Variants in UACA observed in about 807,000 individuals in gnomAD.
UACA encodes the protein uveal autoantigen with coiled-coil domains and ankyrin repeats.
A neutral mutation model predicts 160.5 loss-of-function variants in UACA; 112 were observed. The ratio of observed to expected loss-of-function variants is 0.70; its 90% CI spans 0.60 to 0.82. UACA has a LOEUF of 0.82. UACA is among the 40% of genes least tolerant of loss of function. The pLI, the probability that UACA is intolerant of heterozygous loss-of-function variation, is 0.00. For missense variants in UACA, 1,574 were observed against 1,614.6 expected, an observed-to-expected ratio of 0.97 and a Z score of 0.43; for synonymous variants, 557 against 568.4, an observed-to-expected ratio of 0.98 and a Z score of 0.29.
At chr15:70,711,141 T>C (rs1033077217) in intron 1 of UACA, among the ~76,000 whole-genome samples, 2 of 151,958 alleles carry the variant, frequency 1.3e-5, no homozygotes, top group African/African-American at 4.9e-5. Flanking sequence ...AGGGATCAAA[T>C]ACATCTTTCT....
chr15:70,723,446 T>C (rs1899051992), intron 1 of UACA, among the ~76,000 whole-genome samples: 1 of 152,176 alleles, frequency 6.6e-6, no homozygotes, highest in African/African-American at 2.4e-5. Flanking sequence ...AGATCCTCCA[T>C]GGTCTCACCC....
chr15:70,673,448 C>A (rs569631401), intron 13 of UACA, among the ~76,000 whole-genome samples: 1 of 152,286 alleles, frequency 6.6e-6, no homozygotes, highest in East Asian at 1.9e-4. Context: ...ATTAATGCCA[C>A]CTCCATTAAT....
intron 4 of UACA, 97 bp from the exon 5 acceptor site, chr15:70,690,608 TTCC>T: frequency 1.1e-6 from 1 of 924,604 alleles, no homozygotes; most frequent in Non-Finnish European, 1.7e-6. Flanking sequence ...TCTTAAAATA[TTCC>T]ACTTATCAAA....
chr15:70,657,110 A>T lies in UACA; in HGVS notation c.4197T>A (p.Asp1399Glu). 6.2e-7 allele frequency: 1 copy of T among 1,614,158 alleles called. No homozygotes were observed. Among genetic ancestry groups the T allele is most frequent in the Non-Finnish European group, 8.5e-7 (1 of 1,179,986 alleles). ...TGATCTGGAGCAGAGCCTCCTGAAC[A>T]TCTTCATCCATGTGACCCTTCGGAG... ...LSAAQGHMDE[D>E]VQEALLQIIQ... The change falls in exon 19 of 19, where the codon GAT (aspartate) becomes GAA (glutamate). Residue 1399 changes from aspartate to glutamate, a missense_variant. By Grantham distance (45) the Asp-to-Glu change is conservative (BLOSUM62 2). Transcript: ENST00000322954.
chr15:70,702,700 C>G (rs1012728596), intron 1 of UACA, among the ~76,000 whole-genome samples: 1 of 152,076 alleles, frequency 6.6e-6, no homozygotes, highest in Admixed American at 6.5e-5. Flanking sequence ...TTTAAGGAAA[C>G]GCACACACAG....
chr15:70,667,240 T>C lies in UACA; in HGVS notation c.3444A>G (p.Thr1148=), dbSNP rs747528345. The part of the protein sequence containing the change: ...MQRCYEKEQQ[T]VTKLHQLLEN... Reference sequence around the variant, plus strand: ...CCAACAATTGATGCAGTTTGGTCACTGTCTGCTGCTCTTTCTCGTAACACC... The same window carrying C: ...CCAACAATTGATGCAGTTTGGTCACCGTCTGCTGCTCTTTCTCGTAACACC... The change falls in exon 16 of 19, where the codon ACA becomes ACG. Residue 1148 remains threonine, a synonymous_variant. Coordinates refer to ENST00000322954, the MANE Select transcript of UACA (RefSeq NM_018003.4). 16 of 1,613,996 alleles carry C rather than the reference T, an allele frequency of 9.9e-6. No individual in the cohort carries two copies. The South Asian group carries it at 1.8e-4, about 18-fold the overall frequency.
chr15:70,687,777 A>G lies in UACA; in HGVS notation c.468T>C (p.His156=). The change falls in exon 6 of 19, where the codon CAT becomes CAC. Residue 156 remains histidine, a synonymous_variant. Coordinates refer to ENST00000322954, the MANE Select transcript of UACA (RefSeq NM_018003.4). ...CPSSIQLLCD[H]GASVNAKDVD... ...CATCTTTGGCATTCACAGAGGCCCC[A>G]TGGTCACAAAGCAGCTGTATGCTAG... 1 of 1,613,858 alleles carries G rather than the reference A, an allele frequency of 6.2e-7. No individual in the cohort carries two copies. The highest frequency in any genetic ancestry group is 8.5e-7 in the Non-Finnish European group (1 of 1,179,798).
intron 1 of UACA, among the ~76,000 whole-genome samples, chr15:70,728,807 A>G (rs1899227941): frequency 6.6e-6 from 1 of 151,518 alleles, no homozygotes; most frequent in Admixed American, 6.6e-5. Flanking sequence ...CAAAGGTTTA[A>G]TATACTAAAT....
At chr15:70,773,111 T>C in the UACA span, among the ~76,000 whole-genome samples, 8 of 146,472 alleles carry the variant, frequency 5.5e-5, no homozygotes, top group South Asian at 1.5e-3. Context: ...CAAAGAAGAC[T>C]GAGAGGAAAT....
At chr15:70,764,158 T>A (rs75295698), upstream of UACA, among the ~76,000 whole-genome samples, 2,057 of 152,222 alleles carry the variant, frequency 0.014, 41 homozygotes, top group African/African-American at 0.047. Flanking sequence ...TACGTGCTCG[T>A]TTATTTGTTG....
intron 3 of UACA, among the ~76,000 whole-genome samples, chr15:70,692,286 A>G: frequency 6.6e-6 from 1 of 152,068 alleles, no homozygotes; most frequent in East Asian, 1.9e-4. Context: ...CTCAGCTTCC[A>G]GAGTAACAGG....
chr15:70,672,150 A>G (rs984364531), intron 13 of UACA, 149 bp from the exon 14 acceptor site: 4 of 540,476 alleles, frequency 7.4e-6, no homozygotes, highest in Non-Finnish European at 1.2e-5. Context: ...CAAACCCACA[A>G]AAAGAAACAA....
chr15:70,670,710 A>T (rs1281046513), intron 15 of UACA, among the ~76,000 whole-genome samples: 2 of 152,118 alleles, frequency 1.3e-5, no homozygotes, highest in Non-Finnish European at 2.9e-5. Flanking sequence ...ATTTTGGATT[A>T]TTCATATCTG....
chr15:70,777,781 G>A, the UACA span, among the ~76,000 whole-genome samples: 4 of 152,188 alleles, frequency 2.6e-5, no homozygotes, highest in African/African-American at 9.7e-5. Context: ...AAGAACTGGA[G>A]ACTACATTAA....
At chr15:70,757,584 T>C (rs2030507061) in intron 1 of UACA, among the ~76,000 whole-genome samples, 1 of 152,230 alleles carries the variant, frequency 6.6e-6, no homozygotes, top group South Asian at 2.1e-4. Flanking sequence ...GCTATTTGGC[T>C]ACCTTGAGAT....
At position 70,668,126 on chromosome 15, in the gene UACA, T is replaced by A. The variant is rs1227665151; in HGVS notation, c.2558A>T (p.Lys853Met). ...ALTSENTNLKKMMSNQYVPVK... is the reference protein window; with the variant it reads ...ALTSENTNLKMMMSNQYVPVK... ...TGGCACATACTGATTACTCATCATCTTCTTCAAGTTAGTGTTTTCAGATGT... is the reference window on the plus strand; with the variant it reads ...TGGCACATACTGATTACTCATCATCATCTTCAAGTTAGTGTTTTCAGATGT... Residue 853 changes from lysine to methionine, a missense_variant, in exon 16 of 19, where the codon AAG becomes ATG. Lys to Met is a moderately conservative substitution (Grantham distance 95). Transcript: ENST00000322954. The A allele has an allele frequency of 1.2e-6, 2 of 1,613,676 alleles. No homozygotes were observed. Among genetic ancestry groups the A allele is most frequent in the Admixed American group, 1.7e-5 (1 of 59,946 alleles).
intron 1 of UACA, among the ~76,000 whole-genome samples, chr15:70,728,318 C>T (rs892730510): frequency 3.3e-5 from 5 of 152,170 alleles, no homozygotes; most frequent in Non-Finnish European, 5.9e-5. Flanking sequence ...AATCCCAGCA[C>T]TTTGGGAGGC....
intron 1 of UACA, among the ~76,000 whole-genome samples, chr15:70,751,528 A>G (rs1356083627): frequency 6.6e-6 from 1 of 152,238 alleles, no homozygotes; most frequent in African/African-American, 2.4e-5. Context: ...TATGCCTTGT[A>G]TCATTTAATG....
chr15:70,660,273 T>C (rs906792803), intron 17 of UACA, 57 bp from the exon 18 acceptor site: 44 of 1,434,196 alleles, frequency 3.1e-5, no homozygotes, highest in Non-Finnish European at 2.4e-5. Flanking sequence ...TTCCAAACTT[T>C]GGACAATGCT....
Sources: gnomAD v4.1 joint callset for allele counts (sites outside exome capture counted in the v4.1 genomes callset) on GRCh38, gnomAD v4.1.1 for gene constraint, MANE v1.5 for transcripts, NCBI Gene and HGNC (gene_info 2026-07-23, HGNC 2026-07-21) for gene names.